The following REXO5 variants were observed in gnomAD, a reference collection of about 807,000 sequenced individuals.
REXO5 encodes exonuclease NEF-sp.
Under a neutral mutation model 88.5 loss-of-function variants are expected in REXO5, and 48 were observed. The ratio of observed to expected loss-of-function variants is 0.54; its 90% CI spans 0.43 to 0.69. REXO5 has a LOEUF of 0.69. REXO5 is among the 30% of genes least tolerant of loss of function. The probability of loss-of-function intolerance (pLI) is 0.00; values close to 1 mark genes in which losing one functional copy is unlikely to be tolerated. For missense variants in REXO5, 749 were observed against 912.2 expected (o/e 0.82, Z 2.30); for synonymous variants, 311 against 336.5 (o/e 0.92, Z 0.83).
In REXO5 at chr16:20,827,405, GC is replaced by G; in HGVS notation, c.1014del (p.Arg339GlufsTer8). ...DTSLLYVREQ[G>X]RRFKLKFLAK... ...TCGTTGCTTTATGTCAGAGAGCAGG[GC>G]AGAAGATTTAAGCTCAAGTTCTTAG... On this transcript the variant is annotated frameshift_variant, in exon 10 of 20. Coordinates refer to ENST00000261377, the MANE Select transcript of REXO5 (RefSeq NM_030941.3). LOFTEE classifies it high-confidence loss of function. 6.2e-7 allele frequency: 1 copy of G among 1,613,520 alleles called. No individual in the cohort carries two copies. Among genetic ancestry groups the G allele is most frequent in the Non-Finnish European group, 8.5e-7 (1 of 1,179,854 alleles).
rs75595107 is a variant in REXO5 at position 20,810,345 on chromosome 16, A to G, written c.139-2845A>G. Among the ~76,000 whole-genome samples the G allele has an allele frequency of 2.0e-4, 30 of 152,284 alleles. 2 individuals are homozygous for G. The East Asian group carries it at 5.8e-3, about 29-fold the overall frequency. On this transcript the variant is annotated intron_variant, in intron 2 of 19. Transcript: ENST00000261377. ...TATTTTACTTATGTGAATTCACATCAGTATCTCCACTTTAATCCAAATCCA... is the reference window on the plus strand; with the variant it reads ...TATTTTACTTATGTGAATTCACATCGGTATCTCCACTTTAATCCAAATCCA...
At chr16:20,819,885 G>A (rs1184493277) in intron 5 of REXO5, among the ~76,000 whole-genome samples, 1 of 152,144 alleles carries the variant, frequency 6.6e-6, no homozygotes, top group Non-Finnish European at 1.5e-5. Flanking sequence ...AGCCTCCTGA[G>A]TAGCTAAGAC....
At chr16:20,845,864 A>T (rs1157735460) in intron 18 of REXO5, among the ~76,000 whole-genome samples, 1 of 152,126 alleles carries the variant, frequency 6.6e-6, no homozygotes, top group East Asian at 1.9e-4. Flanking sequence ...ACAGATGAAA[A>T]GTAGGGGCTA....
At chr16:20,842,641 G>A (rs2081547762) in intron 15 of REXO5, among the ~76,000 whole-genome samples, 1 of 151,914 alleles carries the variant, frequency 6.6e-6, no homozygotes, top group South Asian at 2.1e-4. Flanking sequence ...TTTTTTGTAA[G>A]ACAGGGTCTC....
chr16:20,815,162 G>A, intron 4 of REXO5, 109 bp downstream of exon 4: 1 of 1,259,888 alleles, frequency 7.9e-7, no homozygotes, highest in South Asian at 1.6e-5. Flanking sequence ...CAAACAGTAG[G>A]GGATATAGAA....
chr16:20,807,548 A>G (rs2080909567), intron 2 of REXO5, among the ~76,000 whole-genome samples: 1 of 137,348 alleles, frequency 7.3e-6, no homozygotes, highest in South Asian at 2.3e-4. Flanking sequence ...ACGCCATTAC[A>G]CTCCACCCTG....
At chr16:20,817,642 C>A (rs991413343) in intron 5 of REXO5, among the ~76,000 whole-genome samples, 2 of 152,114 alleles carry the variant, frequency 1.3e-5, no homozygotes, top group African/African-American at 4.8e-5. Flanking sequence ...CCTTGAGGAG[C>A]CAGAGAGGTT....
In REXO5 at chr16:20,815,012, T is replaced by C. The variant is rs766996738; in HGVS notation, c.337T>C (p.Phe113Leu). 5 of 1,613,754 alleles carry C rather than the reference T, an allele frequency of 3.1e-6. No homozygotes were observed. The highest frequency in any genetic ancestry group is 4.2e-6 in the Non-Finnish European group (5 of 1,179,952). Residue 113 changes from phenylalanine to leucine, a missense_variant, in exon 4 of 20, where the codon TTC becomes CTC. Physicochemically the swap from Phe to Leu is conservative, Grantham distance 22. Coordinates refer to ENST00000261377, the MANE Select transcript of REXO5 (RefSeq NM_030941.3). ...AATGAGTCAGCTACACTTTTACAGG[T>C]TCTATTTGGAGTTTGGATGTCTTCG... The part of the protein sequence containing the change: ...QGMSQLHFYR[F>L]YLEFGCLRKA...
chr16:20,816,280 T>G (rs1196992175), intron 5 of REXO5, 68 bp downstream of exon 5: 1 of 1,332,676 alleles, frequency 7.5e-7, no homozygotes, highest in East Asian at 2.4e-5. Context: ...GTAAGTAGGT[T>G]TAGCACAACA....
Position 20,813,252 on chromosome 16 carries a change from T to C in REXO5, c.201T>C (p.Cys67=). 6.2e-7 allele frequency: 1 copy of C among 1,614,022 alleles called. No homozygotes were observed. The change falls in exon 3 of 20, where the codon TGT becomes TGC. Residue 67 remains cysteine (C), a synonymous_variant. Coordinates refer to ENST00000261377, the MANE Select transcript of REXO5 (RefSeq NM_030941.3). The part of the protein sequence containing the change: ...DNCEVTHDQL[C]ELLKYAVLGK... ...GTGAAGTAACCCATGACCAGCTGTG[T>C]GAATTGCTGAAGTATGCAGTTCTGG...
At chr16:20,833,583 G>A (rs1301493452) in intron 13 of REXO5, among the ~76,000 whole-genome samples, 3 of 151,988 alleles carry the variant, frequency 2.0e-5, no homozygotes, top group Non-Finnish European at 2.9e-5. Flanking sequence ...TACAGAAAGC[G>A]TGCATGAATG....
intron 1 of REXO5, 118 bp from the exon 2 acceptor site, chr16:20,806,834 A>C: frequency 7.2e-7 from 1 of 1,387,026 alleles, no homozygotes; most frequent in Non-Finnish European, 9.6e-7. Flanking sequence ...TGAATTGAGA[A>C]GCGGATCCGA....
At position 20,811,238 on chromosome 16, in the gene REXO5, A is replaced by G. The variant is rs149898690; in HGVS notation, c.139-1952A>G. ...GGTTACTCACCGCCATATAGACTCCATCTTGCTCAGTCTCACCTTATTAAT... is the reference window on the plus strand; with the variant it reads ...GGTTACTCACCGCCATATAGACTCCGTCTTGCTCAGTCTCACCTTATTAAT... On this transcript the variant is annotated intron_variant, in intron 2 of 19. Transcript: ENST00000261377. 4.6e-3 allele frequency among the ~76,000 whole-genome samples: 699 copies of G among 152,292 alleles called. 5 individuals carry two copies. Among genetic ancestry groups the G allele is most frequent in the African/African-American group, 0.016 (677 of 41,556 alleles).
intron 4 of REXO5, among the ~76,000 whole-genome samples, chr16:20,815,726 G>T (rs983663973): frequency 6.6e-6 from 1 of 152,166 alleles, no homozygotes; most frequent in African/African-American, 2.4e-5. Context: ...AAGTGGTAGG[G>T]CTGAAATTTA....
At chr16:20,842,874 G>A (rs572950323) in intron 15 of REXO5, among the ~76,000 whole-genome samples, 90 of 152,266 alleles carry the variant, frequency 5.9e-4, no homozygotes, top group African/African-American at 2.1e-3. Context: ...TGGAATTGAT[G>A]GATCAAATAG....
At position 20,825,795 on chromosome 16, in the gene REXO5, C is replaced by A. The variant is rs753177887; in HGVS notation, c.706-38C>A. 7.0e-6 allele frequency: 10 copies of A among 1,424,676 alleles called. No homozygotes were observed. In the South Asian group the frequency reaches 1.2e-4, roughly 17 times the overall value. The allele number at this position is 1,424,676 out of a possible 1,614,324, so 88.3% of individuals were successfully genotyped here. On this transcript the variant is annotated intron_variant, in intron 7 of 19. Transcript: ENST00000261377. ...AAATAGTAAGAAGAAGCAATAACTT[C>A]CACAGTTCAGCAGCCTGACTACATG...
chr16:20,806,905 A>T (rs938211294), intron 1 of REXO5, 47 bp from the exon 2 acceptor site: 1 of 1,544,330 alleles, frequency 6.5e-7, no homozygotes, highest in African/African-American at 1.4e-5. Context: ...ACGCGGGGGA[A>T]TAGGGGCGCT....
chr16:20,825,841 A>T lies in REXO5; in HGVS notation c.714A>T (p.Thr238=), dbSNP rs771718998. The change falls in exon 8 of 20, where the codon ACA becomes ACT. Residue 238 remains threonine, a synonymous_variant. Coordinates refer to ENST00000261377, the MANE Select transcript of REXO5 (RefSeq NM_030941.3). ...LFGLDCEMCL[T]SKGRELTRIS... Reference sequence around the variant, plus strand: ...ACATGTTGGTCTTTCAGTGCCTCACATCCAAGGGGAGAGAGCTAACACGCA... The same window carrying T: ...ACATGTTGGTCTTTCAGTGCCTCACTTCCAAGGGGAGAGAGCTAACACGCA... 1 of 1,613,380 alleles carries T rather than the reference A, an allele frequency of 6.2e-7. No individual in the cohort carries two copies. Among genetic ancestry groups the T allele is most frequent in the African/African-American group, 1.3e-5 (1 of 74,922 alleles).
At chr16:20,813,101 A>AGTAATCAG in intron 2 of REXO5, 89 bp from the exon 3 acceptor site, 1 of 861,452 alleles carries the variant, frequency 1.2e-6, no homozygotes, top group South Asian at 1.4e-5. Flanking sequence ...TGTATGTTAA[A>AGTAATCAG]GTAATCAGAA....
Sources: allele counts gnomAD v4.1 joint callset (sites outside exome capture counted in the v4.1 genomes callset), GRCh38; gene constraint gnomAD v4.1.1; transcripts MANE v1.5; gene names NCBI Gene and HGNC (gene_info 2026-07-23, HGNC 2026-07-21).